Variants in SORCS2 observed in about 807,000 individuals in gnomAD.
The protein encoded by SORCS2 is sortilin related VPS10 domain containing receptor 2, also known as VPS10 domain-containing receptor SorCS2.
Under a neutral mutation model 141.6 loss-of-function variants are expected in SORCS2, and 100 were observed. The observed-to-expected ratio is 0.71, with a 90% CI of 0.60 to 0.83. SORCS2 has a LOEUF of 0.83. Among genes scored for constraint, SORCS2 ranks in the 40% least tolerant of loss-of-function variants. The pLI, the probability that SORCS2 is intolerant of heterozygous loss-of-function variation, is 0.00. For synonymous variants in SORCS2, 789 were observed against 676.9 expected, an observed-to-expected ratio of 1.17 and a Z score of -2.57; for missense variants, 1,646 against 1,560.2, an observed-to-expected ratio of 1.05 and a Z score of -0.93.
intron 3 of SORCS2, among the ~76,000 whole-genome samples, chr4:7,602,792 G>A (rs1196781154): frequency 6.6e-6 from 1 of 152,214 alleles, no homozygotes; most frequent in Non-Finnish European, 1.5e-5. Flanking sequence ...CGGCACTTTG[G>A]GAGGCCAAGG....
At chr4:7,645,308 A>G (rs1298514394) in intron 4 of SORCS2, among the ~76,000 whole-genome samples, 1 of 152,190 alleles carries the variant, frequency 6.6e-6, no homozygotes. Flanking sequence ...AGCCCCTGGT[A>G]CAGTCCTGTG....
chr4:7,597,679 G>T (rs1717371578), intron 3 of SORCS2, among the ~76,000 whole-genome samples: 1 of 143,874 alleles, frequency 7.0e-6, no homozygotes, highest in Non-Finnish European at 1.5e-5. Flanking sequence ...AGAGGGAGGG[G>T]CTACACAATG....
chr4:7,304,873 A>G (rs1221017961), intron 1 of SORCS2, among the ~76,000 whole-genome samples: 1 of 152,168 alleles, frequency 6.6e-6, no homozygotes, highest in Non-Finnish European at 1.5e-5. Flanking sequence ...AAGTCAGAGC[A>G]TTTCCAATGT....
chr4:7,433,052 A>T, intron 2 of SORCS2: 1 of 321,864 alleles, frequency 3.1e-6, no homozygotes, highest in Non-Finnish European at 5.6e-6. Context: ...CTTGGAGATG[A>T]GAGGGCAGCC....
intron 1 of SORCS2, among the ~76,000 whole-genome samples, chr4:7,271,412 C>G (rs1715119676): frequency 6.6e-6 from 1 of 152,222 alleles, no homozygotes; most frequent in African/African-American, 2.4e-5. Flanking sequence ...TAGGCGTGCT[C>G]CAGCCATGGC....
At chr4:7,274,712 C>T (rs114036424) in intron 1 of SORCS2, among the ~76,000 whole-genome samples, 198 of 152,288 alleles carry the variant, frequency 1.3e-3, no homozygotes, top group African/African-American at 4.6e-3. Flanking sequence ...GACACAGATC[C>T]AAACCATGTC....
chr4:7,685,398 C>T (rs1414682560), intron 10 of SORCS2, among the ~76,000 whole-genome samples: 1 of 152,154 alleles, frequency 6.6e-6, no homozygotes, highest in Non-Finnish European at 1.5e-5. Context: ...ACGGGCTGGG[C>T]ACAGTGGCTC....
At chr4:7,338,152 G>A (rs1428424870) in intron 1 of SORCS2, among the ~76,000 whole-genome samples, 1 of 151,824 alleles carries the variant, frequency 6.6e-6, no homozygotes, top group Admixed American at 6.6e-5. Flanking sequence ...TTGCATGGAT[G>A]GATGTTGGTT....
intron 2 of SORCS2, among the ~76,000 whole-genome samples, chr4:7,480,754 C>T (rs975480585): frequency 7.9e-5 from 12 of 152,258 alleles, no homozygotes; most frequent in Non-Finnish European, 1.6e-4. Context: ...GCATCCCCTC[C>T]ACCCGCCCCA....
intron 3 of SORCS2, among the ~76,000 whole-genome samples, chr4:7,630,566 C>T (rs536300411): frequency 1.4e-4 from 21 of 152,266 alleles, no homozygotes; most frequent in South Asian, 2.1e-4. Flanking sequence ...ATGACCATCA[C>T]GGGAGTGACT....
intron 1 of SORCS2, among the ~76,000 whole-genome samples, chr4:7,298,846 ATCCGG>A (rs1717246157): frequency 6.6e-6 from 1 of 152,236 alleles, no homozygotes; most frequent in Admixed American, 6.5e-5. Flanking sequence ...CTCATGCTGC[ATCCGG>A]TGCCCCACTG....
chr4:7,368,407 G>A (rs1722034355), intron 1 of SORCS2, among the ~76,000 whole-genome samples: 1 of 152,236 alleles, frequency 6.6e-6, no homozygotes, highest in Non-Finnish European at 1.5e-5. Flanking sequence ...TCACTGCCCA[G>A]GTGCACATCT....
intron 2 of SORCS2, among the ~76,000 whole-genome samples, chr4:7,420,787 C>T (rs540820153): frequency 2.0e-5 from 3 of 152,312 alleles, no homozygotes; most frequent in African/African-American, 7.2e-5. Flanking sequence ...ACCTTATCCA[C>T]CATGCCCCAC....
intron 1 of SORCS2, among the ~76,000 whole-genome samples, chr4:7,300,521 A>T (rs1422238269): frequency 6.6e-6 from 1 of 152,202 alleles, no homozygotes; most frequent in Non-Finnish European, 1.5e-5. Flanking sequence ...CGGTGGCATG[A>T]GTCCCCGCCA....
intron 1 of SORCS2, among the ~76,000 whole-genome samples, chr4:7,381,021 T>G (rs925141747): frequency 5.0e-4 from 74 of 147,134 alleles, no homozygotes; most frequent in Non-Finnish European, 8.9e-4. Flanking sequence ...GGCAGAGGTT[T>G]CAGTGAGCTG....
chr4:7,399,994 C>T (rs1189174296), intron 2 of SORCS2, among the ~76,000 whole-genome samples: 2 of 152,136 alleles, frequency 1.3e-5, no homozygotes, highest in Non-Finnish European at 1.5e-5. Context: ...CAAGACTTTG[C>T]ATTTCTAACA....
rs549898296 is a variant in SORCS2 at position 7,563,338 on chromosome 4, G to C, written c.648+31709G>C. ...ATCACCAGCAAGAGGCCCTCAGGAA[G>C]ACTTCATCCTTCATTTCCATTTTCC... On this transcript the variant is annotated intron_variant, in intron 3 of 26. Coordinates refer to ENST00000507866, the MANE Select transcript of SORCS2 (RefSeq NM_020777.3). 3.4e-3 allele frequency among the ~76,000 whole-genome samples: 516 copies of C among 152,284 alleles called. 2 individuals carry two copies. Among genetic ancestry groups the C allele is most frequent in the Non-Finnish European group, 5.9e-3 (398 of 68,026 alleles).
intron 3 of SORCS2, among the ~76,000 whole-genome samples, chr4:7,568,359 T>C (rs1715162927): frequency 6.6e-6 from 1 of 152,218 alleles, no homozygotes; most frequent in African/African-American, 2.4e-5. Context: ...TGATACCTAA[T>C]AGCGTAGGTA....
chr4:7,333,830 C>T (rs1414272778), intron 1 of SORCS2, among the ~76,000 whole-genome samples: 2 of 152,210 alleles, frequency 1.3e-5, no homozygotes, highest in Admixed American at 6.5e-5. Context: ...CTGAGCTGGG[C>T]TGGGGAAAGG....
Sources: gnomAD v4.1 joint callset for allele counts (sites outside exome capture counted in the v4.1 genomes callset) on GRCh38, gnomAD v4.1.1 for gene constraint, MANE v1.5 for transcripts, NCBI Gene and HGNC (gene_info 2026-07-23, HGNC 2026-07-21) for gene names.